The following MYO9A variants were observed in gnomAD, a reference collection of about 807,000 sequenced individuals.
MYO9A encodes myosin IXA.
A neutral mutation model predicts 293.3 loss-of-function variants in MYO9A; 103 were observed. The observed-to-expected ratio is 0.35, with a 90% confidence interval of 0.30 to 0.41. The LOEUF (loss-of-function observed/expected upper bound fraction) is 0.41. MYO9A is among the 10% of genes least tolerant of loss of function. The pLI is 1.00. For missense variants in MYO9A, 2,685 were observed against 3,033.0 expected, an observed-to-expected ratio of 0.89 and a Z score of 2.69; for synonymous variants, 1,001 against 1,035.7, an observed-to-expected ratio of 0.97 and a Z score of 0.64.
chr15:71,843,506 T>G (rs1230671771), intron 39 of MYO9A, among the ~76,000 whole-genome samples: 1 of 152,322 alleles, frequency 6.6e-6, no homozygotes, highest in East Asian at 1.9e-4. Context: ...TGTTTTTGTT[T>G]AAGACAGGGT....
rs1348575984 is a variant in MYO9A, at chr15:72,101,551, C to A, written c.-72+16129G>T. 4.1e-5 allele frequency among the ~76,000 whole-genome samples: 4 copies of A among 98,730 alleles called. No homozygotes were observed. The East Asian group carries it at 1.4e-3, about 35-fold the overall frequency. 64.8% of individuals were successfully genotyped at this position (98,730 alleles called of 152,430 possible). A position where few individuals can be genotyped will look rare whatever the true frequency, so the allele number is the denominator to read the frequency against. On this transcript the variant is annotated intron_variant, in intron 1 of 41. Coordinates refer to ENST00000356056, the MANE Select transcript of MYO9A (RefSeq NM_006901.4). ...CCCCCGCCCGGCCAGCCGCCCCGTC[C>A]GGGAGGTGAGGGGCGCCTCTGCCCG...
At chr15:72,050,265 A>G (rs1469281888) in intron 1 of MYO9A, among the ~76,000 whole-genome samples, 1 of 152,094 alleles carries the variant, frequency 6.6e-6, no homozygotes, top group Non-Finnish European at 1.5e-5. Context: ...CTGTACTTGC[A>G]AATCCGAGAC....
chr15:72,005,799 C>T (rs12916694), intron 8 of MYO9A, among the ~76,000 whole-genome samples: 29,912 of 152,164 alleles, frequency 0.2, 3,215 homozygotes, highest in East Asian at 0.41. Context: ...TAACTTTATG[C>T]TCTAAAACTA....
intron 1 of MYO9A, among the ~76,000 whole-genome samples, chr15:72,101,313 C>T (rs2080305989): frequency 6.9e-6 from 1 of 144,062 alleles, no homozygotes; most frequent in African/African-American, 2.5e-5. Context: ...CCCGCCAGGC[C>T]AGCCGCCCCG....
intron 39 of MYO9A, among the ~76,000 whole-genome samples, chr15:71,842,350 G>A (rs953860164): frequency 1.3e-5 from 2 of 151,108 alleles, no homozygotes; most frequent in African/African-American, 2.4e-5. Context: ...GCACTCCAGC[G>A]TGGGTGACAG....
intron 1 of MYO9A, among the ~76,000 whole-genome samples, chr15:72,059,649 T>C (rs2078822947): frequency 6.6e-6 from 1 of 152,234 alleles, no homozygotes; most frequent in Admixed American, 6.5e-5. Context: ...TGAGGCTTTC[T>C]GAACATTGAG....
chr15:71,884,998 C>T (rs1340826059), intron 27 of MYO9A, among the ~76,000 whole-genome samples: 1 of 144,656 alleles, frequency 6.9e-6, no homozygotes, highest in Non-Finnish European at 1.5e-5. Flanking sequence ...TATTACTAAA[C>T]TCATATATTT....
intron 12 of MYO9A, among the ~76,000 whole-genome samples, chr15:71,972,625 G>A (rs2076040943): frequency 6.6e-6 from 1 of 152,174 alleles, no homozygotes; most frequent in Non-Finnish European, 1.5e-5. Context: ...GGTCACAGAT[G>A]TCTTCATGTT....
In MYO9A at chr15:71,824,352, C is replaced by CAAAG. The variant is rs1489484155; in HGVS notation, c.*2224_*2227dup. ...AACTTATTTTGCCAAAAAAGCCCCA[C>CAAAG]AAAGATTTAGAAGGAAGAACATGTG... On this transcript the variant is annotated 3_prime_UTR_variant, in exon 42 of 42. Coordinates refer to ENST00000356056, the MANE Select transcript of MYO9A (RefSeq NM_006901.4). 2 of 152,138 alleles carry CAAAG rather than the reference C, an allele frequency of 1.3e-5. No homozygotes were observed. The highest frequency in any genetic ancestry group is 2.9e-5 in the Non-Finnish European group (2 of 68,030). 9.4% of individuals were successfully genotyped at this position (152,138 alleles called of 1,614,324 possible). A position where few individuals can be genotyped will look rare whatever the true frequency, so the allele number is the denominator to read the frequency against.
At chr15:72,000,078 G>T in intron 8 of MYO9A, 138 bp from the exon 9 acceptor site, 3 of 530,986 alleles carry the variant, frequency 5.6e-6, no homozygotes, top group African/African-American at 2.0e-5. Context: ...AATACACTGG[G>T]CAATTTTAAT....
chr15:71,847,756 G>A (rs896631894), intron 39 of MYO9A, among the ~76,000 whole-genome samples: 2 of 152,082 alleles, frequency 1.3e-5, no homozygotes, highest in Admixed American at 1.3e-4. Flanking sequence ...TTTAATTTCT[G>A]GGGAAAAGAT....
chr15:72,106,708 C>T (rs2080582024), intron 1 of MYO9A, among the ~76,000 whole-genome samples: 1 of 152,132 alleles, frequency 6.6e-6, no homozygotes, highest in Non-Finnish European at 1.5e-5. Flanking sequence ...TCAAGCAAAC[C>T]TCCCACCTTA....
chr15:71,883,827 T>A, intron 27 of MYO9A, 91 bp from the exon 28 acceptor site: 2 of 1,148,222 alleles, frequency 1.7e-6, no homozygotes. Context: ...AAATCTTCTA[T>A]GTATATTAGC....
rs775302511 is a variant in MYO9A at position 71,927,859 on chromosome 15, A to G, written c.2562+5811T>C. ...GTGGATATCCAGTTTTCCCAACATC[A>G]TTTATTGAAGAGACTATACTTTACT... On this transcript the variant is annotated intron_variant, in intron 18 of 41. Coordinates refer to ENST00000356056, the MANE Select transcript of MYO9A (RefSeq NM_006901.4). 1.6e-4 allele frequency among the ~76,000 whole-genome samples: 24 copies of G among 150,210 alleles called. No individual in the cohort carries two copies. In the Middle Eastern group the frequency reaches 0.01, roughly 64 times the overall value.
chr15:71,925,198 CACATATATACATGTGTAT>C (rs1596205494), intron 18 of MYO9A, among the ~76,000 whole-genome samples: 1 of 5,498 alleles, frequency 1.8e-4, no homozygotes, highest in Non-Finnish European at 8.2e-4. Flanking sequence ...TGTATATATA[CACATATATACATGTGTAT>C]ATATACACAT....
chr15:72,015,725 T>G (rs2077315538), intron 6 of MYO9A, among the ~76,000 whole-genome samples: 3 of 145,834 alleles, frequency 2.1e-5, no homozygotes. Context: ...TCTCGCTCTG[T>G]CGCCCAGGAT....
chr15:72,063,553 A>C (rs2078934460), intron 1 of MYO9A, among the ~76,000 whole-genome samples: 1 of 152,220 alleles, frequency 6.6e-6, no homozygotes, highest in Non-Finnish European at 1.5e-5. Context: ...CAATAGGAAA[A>C]AAATCTAAAA....
intron 14 of MYO9A, among the ~76,000 whole-genome samples, chr15:71,955,716 TA>T (rs1351941182): frequency 2.0e-5 from 3 of 152,226 alleles, no homozygotes; most frequent in Non-Finnish European, 2.9e-5. Flanking sequence ...TTCCTTGATT[TA>T]AAGTATACAA....
In MYO9A at chr15:71,831,339, A is replaced by G. The variant is rs28502516; in HGVS notation, c.6838-1028T>C. Among the ~76,000 whole-genome samples, 944 of 152,340 alleles carry G rather than the reference A, an allele frequency of 6.2e-3. 14 individuals carry two copies. The highest frequency in any genetic ancestry group is 0.022 in the African/African-American group (897 of 41,582). On this transcript the variant is annotated intron_variant, in intron 39 of 41. Coordinates refer to ENST00000356056, the MANE Select transcript of MYO9A (RefSeq NM_006901.4). The stretch of plus-strand genomic sequence containing the variant: ...ATTGCTGCTTTTGCAGAACAATGGC[A>G]GAGTTGATTGTTGAGACAGAGATTG...
Sources: gnomAD v4.1 joint callset for allele counts (sites outside exome capture counted in the v4.1 genomes callset) on GRCh38, gnomAD v4.1.1 for gene constraint, MANE v1.5 for transcripts, NCBI Gene and HGNC (gene_info 2026-07-23, HGNC 2026-07-21) for gene names.